CRIM1: variants seen among roughly 807,000 people sequenced by gnomAD.
CRIM1 encodes cysteine rich transmembrane BMP regulator 1.
A neutral mutation model predicts 116.4 loss-of-function variants in CRIM1; 32 were observed. The ratio of observed to expected loss-of-function variants is 0.27; its 90% CI spans 0.21 to 0.37. CRIM1 has a LOEUF of 0.37. Ranked by LOEUF, CRIM1 falls within the 10% of genes least tolerant of loss-of-function variation. The pLI, the probability that CRIM1 is intolerant of heterozygous loss-of-function variation, is 1.00. For missense variants in CRIM1, 1,331 were observed against 1,354.8 expected, an observed-to-expected ratio of 0.98 and a Z score of 0.28; for synonymous variants, 590 against 509.2, an observed-to-expected ratio of 1.16 and a Z score of -2.13.
chr2:36,480,898 A>G (rs2021870), intron 7 of CRIM1, among the ~76,000 whole-genome samples: 39,999 of 152,126 alleles, frequency 0.26, 5,504 homozygotes, highest in South Asian at 0.42. Context: ...GTGCTGAAAA[A>G]AAAAGAGCAT....
intron 13 of CRIM1, among the ~76,000 whole-genome samples, chr2:36,523,729 C>A (rs536298796): frequency 6.6e-6 from 1 of 152,296 alleles, no homozygotes; most frequent in African/African-American, 2.4e-5. Flanking sequence ...TTGCATATAT[C>A]TGGAGTGATA....
In CRIM1 at chr2:36,544,493, C is replaced by G; in HGVS notation, c.2741C>G (p.Pro914Arg). The G allele has an allele frequency of 7.4e-7, 1 of 1,343,844 alleles. No homozygotes were observed. Among genetic ancestry groups the G allele is most frequent in the Non-Finnish European group, 9.6e-7 (1 of 1,037,672 alleles). The allele number at this position is 1,343,844 out of a possible 1,614,324, so 83.2% of individuals were successfully genotyped here. Residue 914 changes from proline (P) to arginine (R), a missense_variant, in exon 15 of 17, where the codon CCT becomes CGT. Pro to Arg is a moderately radical substitution (Grantham distance 103). Transcript: ENST00000280527. ...TPSENDIVHL[P>R]RDMGHLQVDY... The stretch of plus-strand genomic sequence containing the variant: ...AGTGAAAATGATATCGTCCATCTCC[C>G]TAGAGGTAAGCATTGAAGGCAGCTG...
At chr2:36,409,066 A>G (rs1673023835) in intron 2 of CRIM1, among the ~76,000 whole-genome samples, 2 of 152,068 alleles carry the variant, frequency 1.3e-5, no homozygotes, top group Admixed American at 1.3e-4. Flanking sequence ...AAAGAAAATA[A>G]TTTGCTAATG....
At chr2:36,371,896 C>T (rs574593922) in intron 1 of CRIM1, among the ~76,000 whole-genome samples, 1 of 152,272 alleles carries the variant, frequency 6.6e-6, no homozygotes, top group African/African-American at 2.4e-5. Context: ...TATAAATTAT[C>T]AACACACTTC....
intron 2 of CRIM1, among the ~76,000 whole-genome samples, chr2:36,427,732 G>A (rs563999221): frequency 2.6e-5 from 4 of 152,344 alleles, no homozygotes; most frequent in South Asian, 4.1e-4. Flanking sequence ...GGAGGCCCTA[G>A]GTTGTTCCTC....
intron 7 of CRIM1, among the ~76,000 whole-genome samples, chr2:36,490,968 A>G (rs966546995): frequency 2.6e-5 from 4 of 152,138 alleles, no homozygotes; most frequent in African/African-American, 4.8e-5. Context: ...GATTCTTGTC[A>G]GTCTCTAATT....
intron 1 of CRIM1, among the ~76,000 whole-genome samples, chr2:36,371,477 CTT>C (rs1669941166): frequency 6.6e-6 from 1 of 152,128 alleles, no homozygotes; most frequent in African/African-American, 2.4e-5. Flanking sequence ...TATACAAAAA[CTT>C]TTTCATCGAA....
At chr2:36,387,831 G>A (rs1329946979) in intron 1 of CRIM1, among the ~76,000 whole-genome samples, 2 of 151,972 alleles carry the variant, frequency 1.3e-5, no homozygotes, top group Non-Finnish European at 2.9e-5. Context: ...TCAAGAACCA[G>A]TTTTTTAATT....
chr2:36,415,278 A>G (rs1372849592), intron 2 of CRIM1, among the ~76,000 whole-genome samples: 1 of 152,114 alleles, frequency 6.6e-6, no homozygotes. Flanking sequence ...CTGAGAGTAT[A>G]CTGGAGGCAG....
At chr2:36,396,240 A>C (rs1672020078) in intron 1 of CRIM1, among the ~76,000 whole-genome samples, 1 of 152,208 alleles carries the variant, frequency 6.6e-6, no homozygotes, top group Non-Finnish European at 1.5e-5. Context: ...ATAATTTTGT[A>C]GATTGACAAA....
intron 1 of CRIM1, among the ~76,000 whole-genome samples, chr2:36,390,581 G>T (rs1038370195): frequency 6.6e-6 from 1 of 151,834 alleles, no homozygotes; most frequent in African/African-American, 2.4e-5. Flanking sequence ...GGGGTTTTTT[G>T]TTTGTTTGTT....
chr2:36,374,970 C>G (rs1457106758), intron 1 of CRIM1, among the ~76,000 whole-genome samples: 1 of 151,332 alleles, frequency 6.6e-6, no homozygotes, highest in South Asian at 2.1e-4. Context: ...ATAGCCAGCT[C>G]TCCAGGTAGA....
intron 8 of CRIM1, among the ~76,000 whole-genome samples, chr2:36,500,517 AT>A (rs1032953424): frequency 3.3e-5 from 5 of 150,668 alleles, no homozygotes; most frequent in South Asian, 2.1e-4. Flanking sequence ...AGAACGTTTG[AT>A]TTTTTTTTTA....
At chr2:36,432,905 A>T (rs1437172048) in intron 2 of CRIM1, among the ~76,000 whole-genome samples, 2 of 151,996 alleles carry the variant, frequency 1.3e-5, no homozygotes, top group Non-Finnish European at 2.9e-5. Flanking sequence ...AGGGTTTTTA[A>T]TGGGCAGCCG....
intron 5 of CRIM1, among the ~76,000 whole-genome samples, chr2:36,472,921 T>C (rs897082643): frequency 1.3e-5 from 2 of 152,224 alleles, no homozygotes; most frequent in African/African-American, 2.4e-5. Context: ...GGTAAGATGA[T>C]TCTTTTTTAA....
intron 8 of CRIM1, among the ~76,000 whole-genome samples, chr2:36,501,145 C>G (rs1473108730): frequency 6.6e-6 from 1 of 152,158 alleles, no homozygotes; most frequent in Non-Finnish European, 1.5e-5. Flanking sequence ...TCTTCGATCT[C>G]TCTCACACAC....
chr2:36,519,887 G>A (rs1665263841), intron 12 of CRIM1, among the ~76,000 whole-genome samples: 1 of 149,776 alleles, frequency 6.7e-6, no homozygotes, highest in Non-Finnish European at 1.5e-5. Flanking sequence ...TTTAGAGTTG[G>A]AAAAAAGCAT....
At chr2:36,495,080 A>G (rs925889657) in intron 7 of CRIM1, among the ~76,000 whole-genome samples, 2 of 152,150 alleles carry the variant, frequency 1.3e-5, no homozygotes, top group African/African-American at 4.8e-5. Flanking sequence ...CTTTGCTCCA[A>G]GCAGCAAGTA....
intron 5 of CRIM1, 59 bp downstream of exon 5, chr2:36,464,714 AG>A: frequency 6.3e-7 from 1 of 1,587,378 alleles, no homozygotes; most frequent in Non-Finnish European, 8.6e-7. Flanking sequence ...AGGAGGAGGG[AG>A]GGTTCAACTT....
Sources: gnomAD v4.1 joint callset for allele counts (sites outside exome capture counted in the v4.1 genomes callset) on GRCh38, gnomAD v4.1.1 for gene constraint, MANE v1.5 for transcripts, NCBI Gene and HGNC (gene_info 2026-07-23, HGNC 2026-07-21) for gene names.